The following NEK4 variants were observed in gnomAD, a reference collection of about 807,000 sequenced individuals.
NEK4 encodes the protein serine/threonine-protein kinase Nek4.
A neutral mutation model predicts 98.4 loss-of-function variants in NEK4; 86 were observed. The ratio of observed to expected loss-of-function variants is 0.87; its 90% CI spans 0.73 to 1.05. The LOEUF is 1.05. Ranked by LOEUF, NEK4 falls within the 50% of genes least tolerant of loss-of-function variation. The probability of loss-of-function intolerance (pLI) is 0.00; values close to 1 mark genes in which losing one functional copy is unlikely to be tolerated. For synonymous variants in NEK4, 328 were observed against 342.2 expected, an observed-to-expected ratio of 0.96 and a Z score of 0.46; for missense variants, 898 against 950.3, an observed-to-expected ratio of 0.94 and a Z score of 0.72.
chr3:52,724,653 A>C (rs1227283072), intron 15 of NEK4, among the ~76,000 whole-genome samples: 1 of 152,218 alleles, frequency 6.6e-6, no homozygotes, highest in Non-Finnish European at 1.5e-5. Flanking sequence ...AATGGTGTTT[A>C]CCAGAGGCGA....
intron 6 of NEK4, among the ~76,000 whole-genome samples, chr3:52,754,934 C>T (rs983259359): frequency 5.9e-5 from 9 of 151,660 alleles, no homozygotes; most frequent in African/African-American, 1.9e-4. Flanking sequence ...ATTAGCCGGG[C>T]GCGGTGGCAG....
intron 10 of NEK4, 138 bp from the exon 11 acceptor site, chr3:52,744,443 T>C: frequency 1.1e-5 from 8 of 718,704 alleles, no homozygotes; most frequent in Non-Finnish European, 1.7e-5. Flanking sequence ...CCCAGCACTC[T>C]GGGAGGCTGG....
chr3:52,768,343 A>G lies in NEK4; in HGVS notation c.355T>C (p.Leu119=), dbSNP rs1307441209. ...VEWFVQIAMA[L]QYLHEKHILH... ...GCTATTAGTCTACACAGTACCTGCAAAGCCATGGCGATCTGTACAAACCAC... is the reference window on the plus strand; with the variant it reads ...GCTATTAGTCTACACAGTACCTGCAGAGCCATGGCGATCTGTACAAACCAC... The change falls in exon 2 of 16, where the codon TTG becomes CTG. Residue 119 remains leucine, a synonymous_variant. Transcript: ENST00000233027. The G allele has an allele frequency of 4.3e-6, 7 of 1,614,134 alleles. No homozygotes were observed. Among genetic ancestry groups the G allele is most frequent in the Non-Finnish European group, 5.9e-6 (7 of 1,179,962 alleles).
intron 12 of NEK4, 31 bp downstream of exon 12, chr3:52,743,321 C>T (rs2097389866): frequency 6.4e-7 from 1 of 1,553,154 alleles, no homozygotes; most frequent in East Asian, 2.2e-5. Context: ...TGTAGACTGT[C>T]CACCTTCTCT....
At chr3:52,720,199 C>G (rs2097358824) in intron 15 of NEK4, among the ~76,000 whole-genome samples, 1 of 152,044 alleles carries the variant, frequency 6.6e-6, no homozygotes. Flanking sequence ...AGATGAGTAG[C>G]TAGGACTACA....
intron 15 of NEK4, among the ~76,000 whole-genome samples, chr3:52,731,216 C>T (rs2097369316): frequency 6.6e-6 from 1 of 152,174 alleles, no homozygotes; most frequent in African/African-American, 2.4e-5. Flanking sequence ...TAAAGAGATC[C>T]AGAAATGATA....
chr3:52,770,656 G>C lies in NEK4; in HGVS notation c.91C>G (p.Gln31Glu). ...TLVKHRRDGK[Q>E]YVIKKLNLRN... ...TGCCGGGCCCCACCCCTGCAGACCT[G>C]CTTGCCGTCCCGCCGGTGCTTCACA... is the stretch of plus-strand genomic sequence containing the variant. Residue 31 changes from glutamine (Q) to glutamate (E), a missense_variant and splice_region_variant, in exon 1 of 16, where the codon CAG becomes GAG. Transcript: ENST00000233027. 2 of 1,552,522 alleles carry C rather than the reference G, an allele frequency of 1.3e-6. No individual in the cohort carries two copies. Among genetic ancestry groups the C allele is most frequent in the Non-Finnish European group, 1.7e-6 (2 of 1,148,630 alleles).
chr3:52,727,078 G>A (rs113528713), intron 15 of NEK4, among the ~76,000 whole-genome samples: 14,376 of 149,602 alleles, frequency 0.096, 1,702 homozygotes, highest in African/African-American at 0.29. Flanking sequence ...GGGTTCAAGC[G>A]ATTCTCCTGC....
At position 52,709,969 on chromosome 3, in the gene NEK4, G is replaced by A. The variant is rs1037871530; in HGVS notation, c.*1808C>T. ...TGAAAATAAGAGTTATCAGAAACCA[G>A]GCTGTGAGCACTGTAAAAGGGCAGG... On this transcript the variant is annotated 3_prime_UTR_variant, in exon 16 of 16. Transcript: ENST00000233027. 7.9e-5 allele frequency: 12 copies of A among 152,132 alleles called. No homozygotes were observed. The highest frequency in any genetic ancestry group is 2.9e-4 in the African/African-American group (12 of 41,426). 9.4% of individuals were successfully genotyped at this position (152,132 alleles called of 1,614,324 possible). A position where few individuals can be genotyped will look rare whatever the true frequency, so the allele number is the denominator to read the frequency against.
At chr3:52,765,814 T>C (rs1698535966) in intron 4 of NEK4, 73 bp downstream of exon 4, 6 of 886,188 alleles carry the variant, frequency 6.8e-6, no homozygotes, top group Non-Finnish European at 1.1e-5. Context: ...AAATCATCAA[T>C]GATTTTGCTA....
At chr3:52,733,801 T>C (rs1409268792) in intron 15 of NEK4, 5 of 416,802 alleles carry the variant, frequency 1.2e-5, no homozygotes, top group African/African-American at 1.0e-4. Flanking sequence ...TGAATCAAAA[T>C]TTACACCTTG....
In NEK4 at chr3:52,741,486, A is replaced by AT. The variant is rs770418305; in HGVS notation, c.2017dup (p.Ile673AsnfsTer6). On this transcript the variant is annotated frameshift_variant, in exon 13 of 16. Transcript: ENST00000233027. LOFTEE classifies it high-confidence loss of function. ...TAACTCATCCTCAGACAGACAATGA[A>AT]TCTGTTTCCTTTCCTATTAAATGTT... 15 of 1,601,050 alleles carry AT rather than the reference A, an allele frequency of 9.4e-6. No homozygotes were observed. In the Middle Eastern group the frequency reaches 5.0e-4, roughly 53 times the overall value.
At position 52,711,720 on chromosome 3, in the gene NEK4, A is replaced by T; in HGVS notation, c.*57T>A. On this transcript the variant is annotated 3_prime_UTR_variant, in exon 16 of 16. Transcript: ENST00000233027. ...AAATGACTGTTTGCCCTTGCTTTTT[A>T]AGCCAAAATCCTCTAAAAATAGGTC... is the stretch of plus-strand genomic sequence containing the variant. The T allele has an allele frequency of 8.8e-7, 1 of 1,133,406 alleles. No individual in the cohort carries two copies. Among genetic ancestry groups the T allele is most frequent in the Non-Finnish European group, 1.3e-6 (1 of 751,246 alleles). The allele number at this position is 1,133,406 out of a possible 1,614,324, so 70.2% of individuals were successfully genotyped here. A position where few individuals can be genotyped will look rare whatever the true frequency, so the allele number is the denominator to read the frequency against.
rs1226508884 is a variant in NEK4, at chr3:52,752,056, G to A, written c.1244C>T (p.Thr415Ile). The A allele has an allele frequency of 1.2e-6, 2 of 1,614,222 alleles. No homozygotes were observed. The highest frequency in any genetic ancestry group is 2.2e-5 in the South Asian group (2 of 91,090). The change falls in exon 7 of 16, where the codon ACT (threonine) becomes ATT (isoleucine). Residue 415 changes from threonine to isoleucine, a missense_variant. Coordinates refer to ENST00000233027, the MANE Select transcript of NEK4 (RefSeq NM_003157.6). ...GTTTTCAGGCTGGGCACTGGATTTA[G>A]TGTTGTCCTGCAGCATCTCCTCTTC... is the stretch of plus-strand genomic sequence containing the variant. ...QVEEEMLQDN[T>I]KSSAQPENLI...
In NEK4 at chr3:52,755,023, A is replaced by G. The variant is rs559518087; in HGVS notation, c.964-2687T>C. 2.4e-4 allele frequency among the ~76,000 whole-genome samples: 37 copies of G among 151,298 alleles called. 1 individual carries two copies. The South Asian group carries it at 7.8e-3, about 32-fold the overall frequency. On this transcript the variant is annotated intron_variant, in intron 6 of 15. Coordinates refer to ENST00000233027, the MANE Select transcript of NEK4 (RefSeq NM_003157.6). ...CGGGAGGCAGAGCTTGCAGTGAGCC[A>G]AGGTCGCACCACTGGACTCCAGCCT...
intron 5 of NEK4, among the ~76,000 whole-genome samples, chr3:52,762,662 C>T (rs1698400026): frequency 6.6e-6 from 1 of 152,126 alleles, no homozygotes; most frequent in South Asian, 2.1e-4. Context: ...GTGGGCGGAC[C>T]ACGAGGTCGG....
intron 15 of NEK4, chr3:52,733,925 A>G: frequency 3.7e-6 from 1 of 273,382 alleles, no homozygotes; most frequent in Non-Finnish European, 7.2e-6. Flanking sequence ...GAAGACTCAC[A>G]TAGGTCACAA....
chr3:52,763,905 T>C (rs1174900414), intron 4 of NEK4, among the ~76,000 whole-genome samples: 2 of 152,254 alleles, frequency 1.3e-5, no homozygotes, highest in African/African-American at 4.8e-5. Flanking sequence ...GGATGTTCAA[T>C]GCAGTACTGT....
chr3:52,718,181 C>T (rs2154102013), intron 15 of NEK4, among the ~76,000 whole-genome samples: 1 of 151,848 alleles, frequency 6.6e-6, no homozygotes, highest in African/African-American at 2.4e-5. Context: ...TTTAGAAATA[C>T]AATTATAGGC....
Sources: gnomAD v4.1 joint callset for allele counts (sites outside exome capture counted in the v4.1 genomes callset) on GRCh38, gnomAD v4.1.1 for gene constraint, MANE v1.5 for transcripts, NCBI Gene and HGNC (gene_info 2026-07-23, HGNC 2026-07-21) for gene names.